The following ACACA variants were observed in gnomAD, a reference collection of about 807,000 sequenced individuals.
ACACA encodes acetyl-CoA carboxylase alpha.
In ACACA, 103 loss-of-function variants were observed where a neutral mutation model predicts 296.1. That is an observed-to-expected ratio of 0.35 (90% CI 0.30 to 0.41). The LOEUF is 0.41. Among genes scored for constraint, ACACA ranks in the 10% least tolerant of loss-of-function variants. ACACA has a pLI of 1.00. For synonymous variants in ACACA, 953 were observed against 1,038.6 expected (o/e 0.92, Z 1.58); for missense variants, 1,554 against 2,989.7 (o/e 0.52, Z 11.20).
intron 45 of ACACA, among the ~76,000 whole-genome samples, chr17:37,148,019 G>A (rs1027061764): frequency 2.6e-5 from 4 of 151,962 alleles, no homozygotes; most frequent in Non-Finnish European, 4.4e-5. Flanking sequence ...GGGGGAGAAA[G>A]AAACTCAATA....
intron 29 of ACACA, among the ~76,000 whole-genome samples, chr17:37,218,961 A>T (rs2079158131): frequency 1.3e-5 from 2 of 152,220 alleles, no homozygotes; most frequent in Admixed American, 1.3e-4. Flanking sequence ...CTAAATCCTT[A>T]TAATTTCCCA....
At chr17:37,163,815 A>C (rs1315871023) in intron 41 of ACACA, among the ~76,000 whole-genome samples, 1 of 152,184 alleles carries the variant, frequency 6.6e-6, no homozygotes, top group Non-Finnish European at 1.5e-5. Flanking sequence ...CCAGCTACAC[A>C]AATAAATGAT....
At chr17:37,202,699 A>G (rs1464673423) in intron 33 of ACACA, among the ~76,000 whole-genome samples, 5 of 17,450 alleles carry the variant, frequency 2.9e-4, no homozygotes, top group Non-Finnish European at 4.8e-4. Context: ...ATATATATAT[A>G]TATATATATA....
chr17:37,235,119 C>T lies in ACACA; in HGVS notation c.3122-20G>A, dbSNP rs963082120. ...AGTGACCTGCACACCATGAAAAGAA[C>T]TGGTTCTCACCCATGTATAAATGTT... On this transcript the variant is annotated intron_variant, in intron 24 of 55. Transcript: ENST00000616317. The T allele has an allele frequency of 6.2e-7, 1 of 1,612,716 alleles. No homozygotes were observed. Among genetic ancestry groups the T allele is most frequent in the Non-Finnish European group, 8.5e-7 (1 of 1,179,820 alleles).
rs757847265 is a variant in ACACA at position 37,113,099 on chromosome 17, G to A, written c.6441C>T (p.Asp2147=). The A allele has an allele frequency of 6.2e-7, 1 of 1,614,158 alleles. No homozygotes were observed. ...INPRHMEMYA[D]RESRGSVLEP... The stretch of plus-strand genomic sequence containing the variant: ...GGAAGGCACGCTACCTGCTTTCTCG[G>A]TCAGCATACATCTCCATGTGCCGGG... The change falls in exon 51 of 56, where the codon GAC becomes GAT. Residue 2147 remains aspartate, a synonymous_variant. Transcript: ENST00000616317. This position sits in a 1 kb window ranked among gnomAD's most constrained non-coding sequence, Gnocchi z 4.0.
At chr17:37,384,100 C>T (rs1457251574) in intron 1 of ACACA, among the ~76,000 whole-genome samples, 1 of 152,160 alleles carries the variant, frequency 6.6e-6, no homozygotes, top group Middle Eastern at 3.2e-3. Flanking sequence ...CCCGTCTCTA[C>T]TAAAAATACA....
At chr17:37,391,170 A>G (rs2050867681) in intron 1 of ACACA, among the ~76,000 whole-genome samples, 1 of 152,156 alleles carries the variant, frequency 6.6e-6, no homozygotes, top group South Asian at 2.1e-4. Flanking sequence ...CCCGGGAGGC[A>G]CAGGCTGCGG....
chr17:37,132,366 G>A (rs766870942), intron 45 of ACACA, among the ~76,000 whole-genome samples: 1 of 152,102 alleles, frequency 6.6e-6, no homozygotes, highest in African/African-American at 2.4e-5. Context: ...CTGTTGATGC[G>A]GGAGCCTGGT....
At chr17:37,274,367 A>G in intron 8 of ACACA, 68 bp from the exon 9 acceptor site, 1 of 1,383,642 alleles carries the variant, frequency 7.2e-7, no homozygotes, top group Non-Finnish European at 1.0e-6. Flanking sequence ...TCTGCTCTGC[A>G]TTCTTTGAAA....
chr17:37,222,768 A>G (rs2079358222), intron 28 of ACACA, among the ~76,000 whole-genome samples: 1 of 152,262 alleles, frequency 6.6e-6, no homozygotes, highest in Non-Finnish European at 1.5e-5. Context: ...GTTACATTAC[A>G]TAAAATCATC....
At chr17:37,401,796 G>A (rs778902040) in intron 1 of ACACA, among the ~76,000 whole-genome samples, 1 of 152,110 alleles carries the variant, frequency 6.6e-6, no homozygotes, top group Non-Finnish European at 1.5e-5. Flanking sequence ...CTGAGCCCAA[G>A]CAATCTTCCC....
In ACACA at chr17:37,330,206, G is replaced by C. The variant is rs767882917; in HGVS notation, c.305C>G (p.Ser102Cys). The change falls in exon 3 of 56, where the codon TCT becomes TGT. Residue 102 changes from serine (S) to cysteine (C), a missense_variant. Transcript: ENST00000616317. Reference protein sequence around the residue: ...GSDTLSDLGISSLQDGLALHI... With the variant: ...GSDTLSDLGICSLQDGLALHI... ...CAAGGCCAAGCCATCCTGTAGGCTA[G>C]AGATCCCCAAATCAGAGAGTGTATC... The C allele has an allele frequency of 3.7e-6, 6 of 1,614,222 alleles. No individual in the cohort carries two copies. The highest frequency in any genetic ancestry group is 2.7e-5 in the African/African-American group (2 of 75,072).
rs1313791470 is a variant in ACACA, at chr17:37,252,934, G to A, written c.1929C>T (p.Asn643=). The change falls in exon 15 of 56, where the codon AAC becomes AAT. Residue 643 remains asparagine (N), a synonymous_variant. Coordinates refer to ENST00000616317, the MANE Select transcript of ACACA (RefSeq NM_198834.3). ...TGTCCAGCCAGCCAGTATCAATTCT[G>A]TTCATCTGAAAGCTTTCAGTCTCTA... The part of the protein sequence containing the change: ...KLLETESFQM[N]RIDTGWLDRL... The A allele has an allele frequency of 6.2e-7, 1 of 1,614,178 alleles. No homozygotes were observed. Among genetic ancestry groups the A allele is most frequent in the Non-Finnish European group, 8.5e-7 (1 of 1,180,028 alleles).
intron 1 of ACACA, among the ~76,000 whole-genome samples, chr17:37,396,029 G>T (rs1271140206): frequency 6.6e-6 from 1 of 152,084 alleles, no homozygotes; most frequent in Non-Finnish European, 1.5e-5. Context: ...GCATTACTTT[G>T]TTAAACAGAA....
chr17:37,238,537 G>C (rs1033871486), intron 24 of ACACA, among the ~76,000 whole-genome samples: 3 of 151,784 alleles, frequency 2.0e-5, no homozygotes, highest in African/African-American at 7.3e-5. Flanking sequence ...TTTTCACCTT[G>C]TATTTCTTTG....
intron 47 of ACACA, among the ~76,000 whole-genome samples, chr17:37,126,721 G>A (rs919102932): frequency 6.6e-6 from 1 of 152,190 alleles, no homozygotes; most frequent in Admixed American, 6.5e-5. Context: ...AGGATGGAGA[G>A]TGTTTTATCT....
chr17:37,336,917 G>C (rs17841479), intron 2 of ACACA, among the ~76,000 whole-genome samples: 18,535 of 152,076 alleles, frequency 0.12, 1,781 homozygotes, highest in East Asian at 0.46. Flanking sequence ...CGATTGTTCT[G>C]GTGTAATTTG....
intron 51 of ACACA, 105 bp downstream of exon 51, chr17:37,112,983 C>T: frequency 1.5e-6 from 2 of 1,369,204 alleles, no homozygotes; most frequent in South Asian, 1.2e-5. Context: ...TTTGGAATCA[C>T]AGGATGTGGG....
In ACACA at chr17:37,368,277, A is replaced by G. The variant is rs192302665; in HGVS notation, c.39-28427T>C. 7.3e-4 allele frequency among the ~76,000 whole-genome samples: 111 copies of G among 152,050 alleles called. 1 individual carries two copies. The highest frequency in any genetic ancestry group is 3.4e-3 in the Middle Eastern group (1 of 290). ...ACAGAGCGAGACTCCGTCTCAAAAA[A>G]TAAATAAATAAAAAATTCAGTGGCT... On this transcript the variant is annotated intron_variant, in intron 1 of 55. Transcript: ENST00000616317.
Sources: allele counts gnomAD v4.1 joint callset (sites outside exome capture counted in the v4.1 genomes callset), GRCh38; gene constraint gnomAD v4.1.1; non-coding constraint Gnocchi (gnomAD v3.1); transcripts MANE v1.5; gene names NCBI Gene and HGNC (gene_info 2026-07-23, HGNC 2026-07-21).